The following EPHA5 variants were observed in gnomAD, a reference collection of about 807,000 sequenced individuals.
EPHA5 encodes the protein ephrin type-A receptor 5.
In EPHA5, 60 loss-of-function variants were observed where a neutral mutation model predicts 105.0. The ratio of observed to expected loss-of-function variants is 0.57; its 90% CI spans 0.46 to 0.71. The LOEUF (loss-of-function observed/expected upper bound fraction) is 0.71. Among genes scored for constraint, EPHA5 ranks in the 30% least tolerant of loss-of-function variants. EPHA5 has a pLI of 0.00. For synonymous variants in EPHA5, 513 were observed against 449.1 expected, an observed-to-expected ratio of 1.14 and a Z score of -1.80; for missense variants, 1,218 against 1,274.7, an observed-to-expected ratio of 0.96 and a Z score of 0.68.
intron 5 of EPHA5, among the ~76,000 whole-genome samples, chr4:65,475,099 A>G (rs1729662253): frequency 6.6e-6 from 1 of 152,164 alleles, no homozygotes; most frequent in Admixed American, 6.5e-5. Context: ...CTCAAAGGTA[A>G]TAGATTTGAT....
At chr4:65,393,952 T>C (rs1720971010) in intron 8 of EPHA5, among the ~76,000 whole-genome samples, 2 of 152,164 alleles carry the variant, frequency 1.3e-5, no homozygotes, top group South Asian at 4.1e-4. Context: ...TCAAGATGAG[T>C]ACATATCTAC....
chr4:65,573,669 A>G, intron 3 of EPHA5: 1 of 1,600,746 alleles, frequency 6.2e-7, no homozygotes, highest in Non-Finnish European at 8.5e-7. Context: ...CATGTACAAG[A>G]GGAAGTACTC....
chr4:65,658,889 T>C (rs1749297380), intron 1 of EPHA5, among the ~76,000 whole-genome samples: 2 of 152,156 alleles, frequency 1.3e-5, no homozygotes, highest in Admixed American at 6.6e-5. Flanking sequence ...TTTATAACAT[T>C]GAGCTTCTCT....
At chr4:65,535,560 TA>T (rs1428962566) in intron 3 of EPHA5, among the ~76,000 whole-genome samples, 1 of 152,158 alleles carries the variant, frequency 6.6e-6, no homozygotes, top group Non-Finnish European at 1.5e-5. Context: ...TATAAATTTT[TA>T]AGGCAATTTA....
rs1053141375 is a variant in EPHA5 at position 65,319,691 on chromosome 4, C to T, written c.*4423G>A. On this transcript the variant is annotated 3_prime_UTR_variant, in exon 17 of 17. Transcript: ENST00000613740. ...GAGAAAAAATACAGAAATCCTAATC[C>T]TTCTTTGAATTAACTGTGAGACAGG... 1 of 225,118 alleles carries T rather than the reference C, an allele frequency of 4.4e-6. No homozygotes were observed. The highest frequency in any genetic ancestry group is 2.2e-5 in the African/African-American group (1 of 44,884). 13.9% of individuals were successfully genotyped at this position (225,118 alleles called of 1,614,324 possible). A position where few individuals can be genotyped will look rare whatever the true frequency, so the allele number is the denominator to read the frequency against.
intron 2 of EPHA5, among the ~76,000 whole-genome samples, chr4:65,640,346 C>T (rs370557666): frequency 6.8e-4 from 87 of 128,522 alleles, no homozygotes; most frequent in African/African-American, 2.1e-3. Flanking sequence ...AGTGCAGTGG[C>T]GCAATCTTGG....
At chr4:65,634,939 C>T (rs1351572049) in intron 2 of EPHA5, among the ~76,000 whole-genome samples, 1 of 151,886 alleles carries the variant, frequency 6.6e-6, no homozygotes, top group African/African-American at 2.4e-5. Flanking sequence ...TTATTCTTGC[C>T]TTTAATTTGA....
At chr4:65,606,402 A>T (rs141716339) in intron 2 of EPHA5, among the ~76,000 whole-genome samples, 93 of 152,316 alleles carry the variant, frequency 6.1e-4, no homozygotes, top group African/African-American at 2.2e-3. Context: ...AAATAGTTAA[A>T]TGTTTTGTGC....
chr4:65,510,108 C>G (rs577944913), intron 3 of EPHA5, among the ~76,000 whole-genome samples: 12 of 151,150 alleles, frequency 7.9e-5, no homozygotes, highest in African/African-American at 2.9e-4. Context: ...GATCTCCCCC[C>G]ACTGCAACCT....
chr4:65,560,258 A>G lies in EPHA5; in HGVS notation c.910+41383T>C, dbSNP rs182368852. On this transcript the variant is annotated intron_variant, in intron 3 of 16. Coordinates refer to ENST00000613740, the MANE Select transcript of EPHA5 (RefSeq NM_001281766.3). ...TTTCAAATAAGGAATTTCTGAAGGA[A>G]AATTGACACACTAATCCAGATACCT... Among the ~76,000 whole-genome samples, 354 of 152,272 alleles carry G rather than the reference A, an allele frequency of 2.3e-3. 4 individuals carry two copies. The highest frequency in any genetic ancestry group is 1.8e-3 in the Non-Finnish European group (122 of 68,006).
chr4:65,531,312 C>G (rs910318376), intron 3 of EPHA5, among the ~76,000 whole-genome samples: 1 of 152,132 alleles, frequency 6.6e-6, no homozygotes, highest in African/African-American at 2.4e-5. Context: ...GCTGGGATTA[C>G]AGGCGTGAGC....
At chr4:65,611,105 A>C (rs1744718938) in intron 2 of EPHA5, among the ~76,000 whole-genome samples, 1 of 152,174 alleles carries the variant, frequency 6.6e-6, no homozygotes, top group African/African-American at 2.4e-5. Flanking sequence ...TGTAGATTTT[A>C]AGGTATTTCG....
At chr4:65,645,102 C>T (rs1482109580) in intron 1 of EPHA5, among the ~76,000 whole-genome samples, 1 of 152,008 alleles carries the variant, frequency 6.6e-6, no homozygotes, top group Non-Finnish European at 1.5e-5. Flanking sequence ...GCAAATCCTG[C>T]CACTCACTAC....
chr4:65,486,296 AAGAG>A lies in EPHA5; in HGVS notation c.1402+4077_1402+4080del, dbSNP rs528310652. 1.1e-3 allele frequency among the ~76,000 whole-genome samples: 164 copies of A among 147,014 alleles called. 1 individual carries two copies. Among genetic ancestry groups the A allele is most frequent in the African/African-American group, 4.0e-3 (158 of 39,528 alleles). ...CCACCCCCATTTCCCTCTCTATATGAAGAGGGTATTTAAGCCTCAACCATCTGGC... is the reference window on the plus strand; with the variant it reads ...CCACCCCCATTTCCCTCTCTATATGAGGTATTTAAGCCTCAACCATCTGGC... On this transcript the variant is annotated intron_variant, in intron 5 of 16. Coordinates refer to ENST00000613740, the MANE Select transcript of EPHA5 (RefSeq NM_001281766.3).
At position 65,437,617 on chromosome 4, in the gene EPHA5, A is replaced by T. The variant is rs139703124; in HGVS notation, c.1403-17052T>A. On this transcript the variant is annotated intron_variant, in intron 5 of 16. Coordinates refer to ENST00000613740, the MANE Select transcript of EPHA5 (RefSeq NM_001281766.3). ...CAAAGTTACCAATTACTGACCAGAA[A>T]ATCATTCATAGGATTTTAATCATGT... Among the ~76,000 whole-genome samples the T allele has an allele frequency of 2.6e-3, 402 of 152,100 alleles. 2 individuals are homozygous for T. The highest frequency in any genetic ancestry group is 4.5e-3 in the Non-Finnish European group (303 of 67,916).
At chr4:65,415,871 G>A (rs974260544) in intron 6 of EPHA5, among the ~76,000 whole-genome samples, 19 of 151,948 alleles carry the variant, frequency 1.3e-4, no homozygotes, top group Non-Finnish European at 2.7e-4. Context: ...ATTTCTTAAT[G>A]TGTTCCTTTT....
intron 3 of EPHA5, among the ~76,000 whole-genome samples, chr4:65,573,134 G>A (rs187257179): frequency 1.2e-4 from 18 of 151,958 alleles, no homozygotes; most frequent in Non-Finnish European, 1.5e-4. Context: ...ATACAGGGCC[G>A]GGCGCGGTGG....
intron 3 of EPHA5, among the ~76,000 whole-genome samples, chr4:65,569,084 A>G (rs73824311): frequency 0.014 from 2,153 of 151,584 alleles, 55 homozygotes; most frequent in African/African-American, 0.049. Flanking sequence ...CCATTGCAAA[A>G]AATTATATAT....
At chr4:65,529,189 T>C (rs1735528649) in intron 3 of EPHA5, among the ~76,000 whole-genome samples, 1 of 137,874 alleles carries the variant, frequency 7.3e-6, no homozygotes, top group African/African-American at 2.7e-5. Context: ...GAAACTTTTA[T>C]GAAAAAAAAT....
Sources: gnomAD v4.1 joint callset for allele counts (sites outside exome capture counted in the v4.1 genomes callset) on GRCh38, gnomAD v4.1.1 for gene constraint, MANE v1.5 for transcripts, NCBI Gene and HGNC (gene_info 2026-07-23, HGNC 2026-07-21) for gene names.